The following GBF1 variants were observed in gnomAD, a reference collection of about 807,000 sequenced individuals.
The protein encoded by GBF1 is golgi brefeldin A resistant guanine nucleotide exchange factor 1.
Under a neutral mutation model 210.5 loss-of-function variants are expected in GBF1, and 114 were observed. That is an observed-to-expected ratio of 0.54 (90% CI 0.47 to 0.63). The LOEUF (loss-of-function observed/expected upper bound fraction) is 0.63, where lower values mean the gene tolerates loss of function less well. GBF1 is among the 30% of genes least tolerant of loss of function. The pLI, the probability that GBF1 is intolerant of heterozygous loss-of-function variation, is 0.00. For missense variants in GBF1, 1,851 were observed against 2,357.7 expected, an observed-to-expected ratio of 0.79 and a Z score of 4.45; for synonymous variants, 850 against 889.2, an observed-to-expected ratio of 0.96 and a Z score of 0.78.
intron 1 of GBF1, among the ~76,000 whole-genome samples, chr10:102,249,669 C>T (rs1338665004): frequency 1.3e-5 from 2 of 150,994 alleles, no homozygotes; most frequent in Admixed American, 1.3e-4. Context: ...GTTAAAAGCT[C>T]TGCATCTTTA....
At chr10:102,269,225 C>T (rs575154356) in intron 3 of GBF1, among the ~76,000 whole-genome samples, 69 of 152,326 alleles carry the variant, frequency 4.5e-4, no homozygotes, top group African/African-American at 5.1e-4. Context: ...CCTTGTTCCA[C>T]GCTTATTGAG....
chr10:102,353,571 T>C (rs1307118610), intron 7 of GBF1, 29 bp from the exon 8 acceptor site: 1 of 1,502,532 alleles, frequency 6.7e-7, no homozygotes, highest in Non-Finnish European at 9.3e-7. Context: ...TTATCCCTAA[T>C]GACAGTTGAT....
chr10:102,379,695 A>G (rs1223578196), intron 35 of GBF1, 44 bp downstream of exon 35: 1 of 1,611,140 alleles, frequency 6.2e-7, no homozygotes, highest in East Asian at 2.2e-5. Context: ...AAATCCTAAG[A>G]AAAGGAAAGC....
intron 3 of GBF1, among the ~76,000 whole-genome samples, chr10:102,287,201 T>C (rs1565062183): frequency 6.6e-6 from 1 of 152,118 alleles, no homozygotes; most frequent in Non-Finnish European, 1.5e-5. Context: ...TGTTATTATG[T>C]TATCGATTGC....
the GBF1 span, among the ~76,000 whole-genome samples, chr10:102,240,298 G>A: frequency 6.6e-6 from 1 of 152,170 alleles, no homozygotes; most frequent in Non-Finnish European, 1.5e-5. Context: ...CTCCTCATTG[G>A]CCTTCTGTCC....
chr10:102,322,831 C>A (rs758950478), intron 3 of GBF1, among the ~76,000 whole-genome samples: 1 of 151,602 alleles, frequency 6.6e-6, no homozygotes, highest in East Asian at 1.9e-4. Context: ...CAGCAAGAAT[C>A]GCTTGAACCC....
chr10:102,253,329 C>A (rs904927377), intron 1 of GBF1, among the ~76,000 whole-genome samples: 2 of 152,174 alleles, frequency 1.3e-5, no homozygotes, highest in African/African-American at 4.8e-5. Flanking sequence ...CCCCACACTC[C>A]CTGCCGCTTG....
chr10:102,303,114 A>T (rs576119131), intron 3 of GBF1, among the ~76,000 whole-genome samples: 4 of 151,430 alleles, frequency 2.6e-5, no homozygotes, highest in African/African-American at 9.7e-5. Flanking sequence ...CCACCTCCCA[A>T]GTAGCTGGGA....
intron 3 of GBF1, among the ~76,000 whole-genome samples, chr10:102,303,672 G>A (rs1182456625): frequency 2.6e-5 from 4 of 152,122 alleles, no homozygotes; most frequent in Non-Finnish European, 4.4e-5. Flanking sequence ...CAGTTCTCCA[G>A]GCTAAGGCAT....
intron 3 of GBF1, among the ~76,000 whole-genome samples, chr10:102,291,890 C>CT (rs1223283560): frequency 0.34 from 43,643 of 127,692 alleles, 8,079 homozygotes; most frequent in South Asian, 0.48. Context: ...TAGAACTTTT[C>CT]TTTTTTTTTT....
At chr10:102,320,857 G>A (rs540828979) in intron 3 of GBF1, among the ~76,000 whole-genome samples, 13 of 151,258 alleles carry the variant, frequency 8.6e-5, no homozygotes, top group East Asian at 5.8e-4. Flanking sequence ...GTGCAGTCTC[G>A]GAGTCTCGGC....
intron 3 of GBF1, among the ~76,000 whole-genome samples, chr10:102,263,828 A>C (rs913195257): frequency 3.9e-5 from 6 of 152,202 alleles, no homozygotes; most frequent in Non-Finnish European, 7.4e-5. Flanking sequence ...TCTTGGAAGA[A>C]AAAGGGTGTC....
chr10:102,330,489 GC>G (rs1307016402), intron 3 of GBF1, among the ~76,000 whole-genome samples: 2 of 152,082 alleles, frequency 1.3e-5, no homozygotes, highest in Non-Finnish European at 2.9e-5. Flanking sequence ...TTCAAGACCA[GC>G]CTGGCCAACA....
chr10:102,325,930 G>A (rs1589646429), intron 3 of GBF1, among the ~76,000 whole-genome samples: 2 of 152,314 alleles, frequency 1.3e-5, no homozygotes, highest in Middle Eastern at 3.4e-3. Flanking sequence ...GATTATAGGT[G>A]TGAGCCACTG....
In GBF1 at chr10:102,367,181, C is replaced by T. The variant is rs756551462; in HGVS notation, c.2530C>T (p.Arg844Cys). The stretch of plus-strand genomic sequence containing the variant: ...TACTGACCAGCACAACCACAATGTT[C>T]GTAAACAGAATGCACCCATGACCCT... ...LNTDQHNHNV[R>C]KQNAPMTLEE... The change falls in exon 20 of 40, where the codon CGT (arginine) becomes TGT (cysteine). Residue 844 changes from arginine (R) to cysteine (C), a missense_variant. Arg to Cys is a radical substitution (Grantham distance 180, BLOSUM62 -3). This residue lies in a region of GBF1 where 80 missense variants were observed against 151.4 expected (regional missense o/e 0.53). Coordinates refer to ENST00000369983, the MANE Select transcript of GBF1 (RefSeq NM_001377137.1). 20 of 1,613,938 alleles carry T rather than the reference C, an allele frequency of 1.2e-5. No individual in the cohort carries two copies. Among genetic ancestry groups the T allele is most frequent in the Admixed American group, 1.7e-5 (1 of 59,998 alleles).
intron 1 of GBF1, 55 bp from the exon 2 acceptor site, chr10:102,258,874 G>C (rs1590513013): frequency 1.0e-5 from 9 of 874,942 alleles, no homozygotes; most frequent in Non-Finnish European, 1.2e-5. Context: ...TTAAACTTGG[G>C]TATGCTTTGG....
At chr10:102,314,318 AT>A (rs145582570) in intron 3 of GBF1, among the ~76,000 whole-genome samples, 3 of 150,892 alleles carry the variant, frequency 2.0e-5, no homozygotes, top group Non-Finnish European at 4.4e-5. Context: ...CTAATTTTTA[AT>A]TTTTTTTGTA....
chr10:102,352,306 A>C (rs759943385), intron 6 of GBF1, 152 bp from the exon 7 acceptor site: 1 of 655,468 alleles, frequency 1.5e-6, no homozygotes, highest in Non-Finnish European at 2.8e-6. Flanking sequence ...GGGCCAGTGA[A>C]GTTCTGGCTG....
Position 102,376,654 on chromosome 10 carries a change from A to G in GBF1, c.4142A>G (p.Asp1381Gly). The G allele has an allele frequency of 6.2e-7, 1 of 1,613,850 alleles. No individual in the cohort carries two copies. The highest frequency in any genetic ancestry group is 8.5e-7 in the Non-Finnish European group (1 of 1,179,916). The change falls in exon 32 of 40, where the codon GAT becomes GGT. Residue 1381 changes from aspartate (D) to glycine (G), a missense_variant. Physicochemically the swap from Asp to Gly is moderately conservative, Grantham distance 94 (BLOSUM62 -1). This residue lies in a region of GBF1 where 967 missense variants were observed against 1,247.7 expected (regional missense o/e 0.78). Transcript: ENST00000369983. ...INQYSLTVGL[D>G]LGPHDTKSLL... Reference sequence around the variant, plus strand: ...CAATACAGCCTAACAGTGGGACTGGATTTGGGGCCACACGACACTAAGTCT... The same window carrying G: ...CAATACAGCCTAACAGTGGGACTGGGTTTGGGGCCACACGACACTAAGTCT...
Sources: allele counts gnomAD v4.1 joint callset (sites outside exome capture counted in the v4.1 genomes callset), GRCh38; gene constraint gnomAD v4.1.1; regional missense constraint gnomAD v4.1.1; transcripts MANE v1.5; gene names NCBI Gene and HGNC (gene_info 2026-07-23, HGNC 2026-07-21).